Variants in BLTP1 observed in about 807,000 individuals in gnomAD.
BLTP1 encodes the protein fragile site-associated protein.
chr4:122,211,765 T>C, the BLTP1 span, among the ~76,000 whole-genome samples: 2 of 152,196 alleles, frequency 1.3e-5, no homozygotes, highest in African/African-American at 4.8e-5. Context: ...GAAGAGAGGC[T>C]ATTTTTGGAT....
At chr4:122,321,219 A>G in the BLTP1 span, among the ~76,000 whole-genome samples, 1 of 152,074 alleles carries the variant, frequency 6.6e-6, no homozygotes, top group African/African-American at 2.4e-5. Context: ...AAGTCAAACC[A>G]TTATGAGTCA....
chr4:122,293,607 C>T, the BLTP1 span, among the ~76,000 whole-genome samples: 1 of 150,058 alleles, frequency 6.7e-6, no homozygotes, highest in South Asian at 2.1e-4. Context: ...AGCAGCCACT[C>T]GGGCACGCAC....
At chr4:122,331,428 T>C in the BLTP1 span, 6 of 1,612,082 alleles carry the variant, frequency 3.7e-6, no homozygotes, top group Non-Finnish European at 5.1e-6. Context: ...GTGGCACAGC[T>C]ACAGAGAGAA....
the BLTP1 span, chr4:122,262,687 A>T: frequency 6.7e-7 from 1 of 1,484,246 alleles, no homozygotes; most frequent in Non-Finnish European, 9.0e-7. Context: ...TAGCAACAGT[A>T]ATAGTAATAG....
chr4:122,276,831 A>G, the BLTP1 span: 2 of 976,974 alleles, frequency 2.0e-6, no homozygotes, highest in Non-Finnish European at 2.4e-6. Context: ...TGTAATACCT[A>G]GATTTTACTG....
At chr4:122,249,413 T>G in the BLTP1 span, 2 of 1,568,942 alleles carry the variant, frequency 1.3e-6, no homozygotes, top group East Asian at 4.5e-5. Flanking sequence ...GTGCCATATG[T>G]CCAAATGTTT....
At chr4:122,236,867 C>A in the BLTP1 span, 3 of 983,728 alleles carry the variant, frequency 3.0e-6, no homozygotes, top group Non-Finnish European at 3.6e-6. Context: ...TCCAGGGAAG[C>A]TTGGAAATAA....
At chr4:122,175,409 T>C in the BLTP1 span, 1 of 350,198 alleles carries the variant, frequency 2.9e-6, no homozygotes, top group South Asian at 1.2e-4. Flanking sequence ...TTTTGTGTGC[T>C]AACATCCCTC....
At chr4:122,262,189 T>TGTGTGTG in the BLTP1 span, among the ~76,000 whole-genome samples, 9 of 151,000 alleles carry the variant, frequency 6.0e-5, no homozygotes, top group South Asian at 2.1e-4. Flanking sequence ...TGTGTGTGTA[T>TGTGTGTG]AGTAAGTTTT....
chr4:122,336,170 AT>A, the BLTP1 span: 1 of 1,548,420 alleles, frequency 6.5e-7, no homozygotes, highest in Admixed American at 2.1e-5. Flanking sequence ...AATCCATTAA[AT>A]GGAATTTATA....
chr4:122,237,734 C>CAA, the BLTP1 span: 1 of 373,570 alleles, frequency 2.7e-6, no homozygotes, highest in Non-Finnish European at 3.7e-6. Flanking sequence ...CCTGTAATCC[C>CAA]AGCACTTTGG....
At chr4:122,191,291 C>T in the BLTP1 span, among the ~76,000 whole-genome samples, 1 of 151,548 alleles carries the variant, frequency 6.6e-6, no homozygotes, top group Non-Finnish European at 1.5e-5. Context: ...TCATGGAGTG[C>T]CAGTTTTATT....
chr4:122,325,899 TG>T, the BLTP1 span: 1 of 1,164,876 alleles, frequency 8.6e-7, no homozygotes, highest in Admixed American at 2.4e-5. Flanking sequence ...CCAGCTGTCC[TG>T]GGGAAGGGTA....
the BLTP1 span, chr4:122,237,717 T>A: frequency 2.2e-6 from 1 of 459,198 alleles, no homozygotes; most frequent in Non-Finnish European, 2.9e-6. Flanking sequence ...CTTGTGCTTT[T>A]TACACGCCTG....
chr4:122,247,496 A>T, the BLTP1 span: 2 of 1,070,280 alleles, frequency 1.9e-6, no homozygotes, highest in Middle Eastern at 5.3e-4. Context: ...TTCTCCCTAT[A>T]TTGAACACGT....
the BLTP1 span, chr4:122,197,997 AATC>A: frequency 2.0e-6 from 2 of 984,886 alleles, no homozygotes; most frequent in South Asian, 9.4e-5. Context: ...ATTTAAAATC[AATC>A]ATCATTAGTG....
chr4:122,336,999 T>A, the BLTP1 span: 1 of 1,609,800 alleles, frequency 6.2e-7, no homozygotes, highest in Non-Finnish European at 8.5e-7. Context: ...CTGTAGATGT[T>A]GTGGTTTATG....
chr4:122,271,295 G>A, the BLTP1 span: 1 of 1,613,946 alleles, frequency 6.2e-7, no homozygotes, highest in South Asian at 1.1e-5. Flanking sequence ...AACTCAGACT[G>A]ATATTAAACT....
the BLTP1 span, among the ~76,000 whole-genome samples, chr4:122,322,946 A>G: frequency 1.4e-4 from 21 of 152,070 alleles, no homozygotes; most frequent in African/African-American, 3.6e-4. Flanking sequence ...TTGGAAGCCT[A>G]GGGGACTTTT....
Sources: allele counts gnomAD v4.1 joint callset (sites outside exome capture counted in the v4.1 genomes callset), GRCh38; gene constraint gnomAD v4.1.1; transcripts MANE v1.5; gene names NCBI Gene and HGNC (gene_info 2026-07-23, HGNC 2026-07-21).